The following UTRN variants were observed in gnomAD, a reference collection of about 807,000 sequenced individuals.
The protein encoded by UTRN is dystrophin-related protein 1.
UTRN carries 283 observed loss-of-function variants against 463.9 expected under a neutral mutation model. The observed-to-expected ratio is 0.61, with a 90% CI of 0.55 to 0.67. The LOEUF (loss-of-function observed/expected upper bound fraction) is 0.67, where lower values mean the gene tolerates loss of function less well. Ranked by LOEUF, UTRN falls within the 30% of genes least tolerant of loss-of-function variation. The probability of loss-of-function intolerance (pLI) is 0.00; values close to 1 mark genes in which losing one functional copy is unlikely to be tolerated. For missense variants in UTRN, 3,922 were observed against 4,084.3 expected, an observed-to-expected ratio of 0.96 and a Z score of 1.08; for synonymous variants, 1,442 against 1,431.5, an observed-to-expected ratio of 1.01 and a Z score of -0.17.
At chr6:144,829,767 T>C (rs1041447278) in intron 69 of UTRN, among the ~76,000 whole-genome samples, 10 of 151,702 alleles carry the variant, frequency 6.6e-5, no homozygotes, top group Admixed American at 3.3e-4. Flanking sequence ...TGCTCAAATA[T>C]AGAATATTCT....
At chr6:144,344,078 A>G in intron 2 of UTRN, 1 of 1,118,150 alleles carries the variant, frequency 8.9e-7, no homozygotes, top group East Asian at 6.1e-5. Context: ...TCATGGGAAA[A>G]ATAAAAGCCA....
At chr6:144,731,214 T>C (rs1586264886) in intron 54 of UTRN, among the ~76,000 whole-genome samples, 1 of 152,216 alleles carries the variant, frequency 6.6e-6, no homozygotes, top group African/African-American at 2.4e-5. Context: ...AAATAACCTG[T>C]AACATTTATA....
intron 51 of UTRN, among the ~76,000 whole-genome samples, chr6:144,639,507 A>G (rs1777544038): frequency 6.6e-6 from 1 of 152,090 alleles, no homozygotes; most frequent in Non-Finnish European, 1.5e-5. Context: ...CTGGACATAC[A>G]AGTTCGTGAT....
chr6:144,575,235 A>G (rs1372123081), intron 50 of UTRN, among the ~76,000 whole-genome samples: 1 of 152,230 alleles, frequency 6.6e-6, no homozygotes, highest in Admixed American at 6.5e-5. Context: ...GATATGTTAA[A>G]AAAAGATACT....
intron 73 of UTRN, among the ~76,000 whole-genome samples, chr6:144,841,068 C>T (rs1204498506): frequency 6.6e-6 from 1 of 152,124 alleles, no homozygotes; most frequent in Non-Finnish European, 1.5e-5. Context: ...TTTCAATATG[C>T]CTGATGGGTG....
At chr6:144,548,886 A>G in intron 47 of UTRN, 32 bp downstream of exon 47, 1 of 1,605,358 alleles carries the variant, frequency 6.2e-7, no homozygotes, top group South Asian at 1.1e-5. Flanking sequence ...TTGTCATGGA[A>G]ACGCCACAAC....
Position 144,834,777 on chromosome 6 carries a change from G to A in UTRN, c.9666-1003G>A, listed in dbSNP as rs530242763. 2.6e-5 allele frequency among the ~76,000 whole-genome samples: 4 copies of A among 152,222 alleles called. No homozygotes were observed. The East Asian group carries it at 7.7e-4, about 29-fold the overall frequency. On this transcript the variant is annotated intron_variant, in intron 69 of 74. Coordinates refer to ENST00000367545, the MANE Select transcript of UTRN (RefSeq NM_007124.3). The stretch of plus-strand genomic sequence containing the variant: ...CAGAAGAAGTCTCTAAGGGATGTTC[G>A]CAGCCCCCATCGCTTACACAGGAAG...
chr6:144,378,712 G>T (rs1780667926), intron 2 of UTRN, among the ~76,000 whole-genome samples: 1 of 152,092 alleles, frequency 6.6e-6, no homozygotes, highest in African/African-American at 2.4e-5. Context: ...GATGATTCAG[G>T]GCCATATGAA....
chr6:144,447,146 G>T, intron 14 of UTRN, 65 bp from the exon 15 acceptor site: 1 of 1,437,438 alleles, frequency 7.0e-7, no homozygotes, highest in Non-Finnish European at 9.6e-7. Context: ...AAATTTGGAT[G>T]CATGATTTAA....
At chr6:144,468,271 G>C (rs1251931668) in intron 23 of UTRN, among the ~76,000 whole-genome samples, 1 of 152,132 alleles carries the variant, frequency 6.6e-6, no homozygotes, top group Non-Finnish European at 1.5e-5. Flanking sequence ...TGACCTTGCT[G>C]TTCCTTGTCC....
At chr6:144,329,816 G>A (rs572746860) in intron 2 of UTRN, among the ~76,000 whole-genome samples, 1 of 152,304 alleles carries the variant, frequency 6.6e-6, no homozygotes, top group Admixed American at 6.5e-5. Flanking sequence ...CTCAGCAGTG[G>A]CAGCAGTGTG....
At chr6:144,486,228 T>C (rs1174620162) in intron 28 of UTRN, among the ~76,000 whole-genome samples, 2 of 152,158 alleles carry the variant, frequency 1.3e-5, no homozygotes, top group African/African-American at 4.8e-5. Context: ...ATGAGTAAAA[T>C]GTGGCACTTA....
intron 50 of UTRN, 111 bp downstream of exon 50, chr6:144,557,422 T>A: frequency 1.0e-6 from 1 of 987,278 alleles, no homozygotes; most frequent in Non-Finnish European, 1.4e-6. Flanking sequence ...GTACATTTTA[T>A]TATTATGTAT....
At chr6:144,730,513 T>C in intron 54 of UTRN, 27 bp downstream of exon 54, 1 of 1,575,564 alleles carries the variant, frequency 6.3e-7, no homozygotes, top group African/African-American at 1.4e-5. Context: ...CACTACATCA[T>C]AAAAACACAT....
intron 51 of UTRN, chr6:144,660,231 G>A (rs769980161): frequency 2.3e-4 from 106 of 471,036 alleles, no homozygotes; most frequent in Non-Finnish European, 7.0e-5. Flanking sequence ...GACAATGATT[G>A]GTCTGAACTT....
At chr6:144,615,963 A>G (rs573837861) in intron 51 of UTRN, among the ~76,000 whole-genome samples, 3 of 152,138 alleles carry the variant, frequency 2.0e-5, no homozygotes, top group South Asian at 4.1e-4. Context: ...ATTTTTAACC[A>G]TCACTCCTGT....
At chr6:144,493,010 A>G (rs1313721729) in intron 32 of UTRN, among the ~76,000 whole-genome samples, 2 of 152,202 alleles carry the variant, frequency 1.3e-5, no homozygotes, top group African/African-American at 4.8e-5. Context: ...TTCCCATTTT[A>G]TGTAGGAAAA....
Position 144,561,240 on chromosome 6 carries a change from TATATATATATATATATATATAC to T in UTRN, c.7289+3933_7289+3954del, listed in dbSNP as rs1303753590. 1.4e-3 allele frequency among the ~76,000 whole-genome samples: 108 copies of T among 78,056 alleles called. 3 individuals carry two copies. Among genetic ancestry groups the T allele is most frequent in the Middle Eastern group, 0.015 (2 of 134 alleles). 51.2% of individuals were successfully genotyped at this position (78,056 alleles called of 152,430 possible). A position where few individuals can be genotyped will look rare whatever the true frequency, so the allele number is the denominator to read the frequency against. On this transcript the variant is annotated intron_variant, in intron 50 of 74. Transcript: ENST00000367545. The stretch of plus-strand genomic sequence containing the variant: ...ATATATATATATATATATATATATA[TATATATATATATATATATATAC>T]ATACACACACACACGTATACACACC...
Position 144,533,194 on chromosome 6 carries a change from A to G in UTRN, c.6167A>G (p.Glu2056Gly). ...CAGGCAGATGGAAGCTTCTTGAAAG[A>G]AAAACTGGCAGGTTTAAACCAACGC... ...LSQADGSFLK[E>G]KLAGLNQRWD... Residue 2056 changes from glutamate to glycine, a missense_variant, in exon 43 of 75, where the codon GAA becomes GGA. Transcript: ENST00000367545. 3 of 1,614,196 alleles carry G rather than the reference A, an allele frequency of 1.9e-6. No homozygotes were observed. The highest frequency in any genetic ancestry group is 2.5e-6 in the Non-Finnish European group (3 of 1,180,014).
Sources: gnomAD v4.1 joint callset for allele counts (sites outside exome capture counted in the v4.1 genomes callset) on GRCh38, gnomAD v4.1.1 for gene constraint, MANE v1.5 for transcripts, NCBI Gene and HGNC (gene_info 2026-07-23, HGNC 2026-07-21) for gene names.